Variants in INTS15 observed in about 807,000 individuals in gnomAD.
The protein encoded by INTS15 is integrator complex subunit 15, also known as uncharacterized protein C7orf26.
At chr7:6,599,796 G>T in the INTS15 span, 12 of 1,598,608 alleles carry the variant, frequency 7.5e-6, no homozygotes, top group Non-Finnish European at 1.0e-5. Context: ...TCGAGGCCAA[G>T]AGTGCTCCTG....
the INTS15 span, chr7:6,599,841 C>T: frequency 1.2e-6 from 2 of 1,612,896 alleles, no homozygotes; most frequent in South Asian, 1.1e-5. Flanking sequence ...GACCTCATTC[C>T]ACCTATGGAC....
At chr7:6,599,909 T>G in the INTS15 span, 5 of 1,614,226 alleles carry the variant, frequency 3.1e-6, no homozygotes, top group Admixed American at 8.3e-5. Flanking sequence ...TCTCATCACT[T>G]TTTTAAATAC....
the INTS15 span, among the ~76,000 whole-genome samples, chr7:6,596,050 C>CTTTT: frequency 1.3e-5 from 2 of 148,354 alleles, no homozygotes; most frequent in Non-Finnish European, 1.5e-5. Context: ...TTTGAGCCTT[C>CTTTT]TTTTTTTTTT....
chr7:6,604,905 G>A, the INTS15 span, among the ~76,000 whole-genome samples: 21 of 152,232 alleles, frequency 1.4e-4, no homozygotes, highest in African/African-American at 5.1e-4. Flanking sequence ...TGCGTGAGGT[G>A]TCATGACAGC....
chr7:6,602,234 G>A, the INTS15 span: 3 of 1,009,654 alleles, frequency 3.0e-6, no homozygotes, highest in Non-Finnish European at 4.5e-6. Context: ...GGGTTCTTTG[G>A]GGAGAGCCCA....
the INTS15 span, among the ~76,000 whole-genome samples, chr7:6,592,868 C>T: frequency 2.6e-5 from 4 of 151,916 alleles, no homozygotes; most frequent in East Asian, 7.8e-4. Context: ...CCTCAGCCTC[C>T]CAAAGTGCCG....
At chr7:6,594,568 C>T in the INTS15 span, 1 of 1,614,130 alleles carries the variant, frequency 6.2e-7, no homozygotes, top group Non-Finnish European at 8.5e-7. Context: ...CAGTTCATCA[C>T]CTCCGTTACC....
chr7:6,604,441 G>A, the INTS15 span, among the ~76,000 whole-genome samples: 1 of 152,166 alleles, frequency 6.6e-6, no homozygotes, highest in African/African-American at 2.4e-5. Flanking sequence ...GAACCCCTGT[G>A]CACATGGACA....
the INTS15 span, chr7:6,608,208 G>A: frequency 4.8e-5 from 74 of 1,533,032 alleles, no homozygotes; most frequent in East Asian, 1.8e-3. Context: ...GAAGCCTTTC[G>A]AGATGGAAGG....
chr7:6,591,733 A>G, the INTS15 span: 36 of 1,613,912 alleles, frequency 2.2e-5, no homozygotes, highest in South Asian at 5.5e-5. Context: ...TCGGCAGATT[A>G]TTTTTTCATC....
the INTS15 span, chr7:6,590,082 G>A: frequency 1.2e-5 from 4 of 338,550 alleles, no homozygotes; most frequent in Non-Finnish European, 2.0e-5. Context: ...CGCCGCAGTC[G>A]GACCTTCGGG....
the INTS15 span, among the ~76,000 whole-genome samples, chr7:6,592,645 G>C: frequency 6.9e-6 from 1 of 145,596 alleles, no homozygotes; most frequent in African/African-American, 2.6e-5. Context: ...GTTTCAGTCT[G>C]TCACCCAGGG....
chr7:6,608,227 G>A, the INTS15 span: 2 of 1,527,226 alleles, frequency 1.3e-6, no homozygotes, highest in Non-Finnish European at 1.8e-6. Context: ...GGGGTGGCCG[G>A]ACTCCCAGAA....
chr7:6,607,903 C>T, the INTS15 span: 1 of 1,588,222 alleles, frequency 6.3e-7, no homozygotes, highest in Non-Finnish European at 8.5e-7. The surrounding 1 kb of genome is among the most constrained non-coding windows in gnomAD (Gnocchi z 6.0). Context: ...GCCTACCGTG[C>T]GCACCTGCGG....
At chr7:6,592,730 C>G in the INTS15 span, among the ~76,000 whole-genome samples, 2 of 151,486 alleles carry the variant, frequency 1.3e-5, no homozygotes, top group East Asian at 3.9e-4. Context: ...TACCTCAGCC[C>G]TCCAAGTAGC....
the INTS15 span, chr7:6,594,528 A>G: frequency 6.2e-7 from 1 of 1,614,136 alleles, no homozygotes; most frequent in Non-Finnish European, 8.5e-7. Flanking sequence ...GCTGAAGCAG[A>G]TATTCAGTGC....
At chr7:6,593,596 A>G in the INTS15 span, among the ~76,000 whole-genome samples, 2 of 150,668 alleles carry the variant, frequency 1.3e-5, no homozygotes, top group African/African-American at 4.9e-5. Context: ...GGCCTCCCAA[A>G]ATGCTGGGAT....
chr7:6,602,695 T>G, the INTS15 span: 3 of 471,222 alleles, frequency 6.4e-6, no homozygotes, highest in Non-Finnish European at 1.3e-5. Flanking sequence ...CAGTGGTGTT[T>G]GTGAATTTCT....
the INTS15 span, chr7:6,607,747 G>A: frequency 1.9e-5 from 28 of 1,496,260 alleles, no homozygotes; most frequent in South Asian, 3.4e-4. This position sits in a 1 kb window ranked among gnomAD's most constrained non-coding sequence, Gnocchi z 6.0. Context: ...GTGGGCCACA[G>A]GCCCCGTGCA....
Sources: gnomAD v4.1 joint callset for allele counts (sites outside exome capture counted in the v4.1 genomes callset) on GRCh38, gnomAD v4.1.1 for gene constraint, Gnocchi (gnomAD v3.1) non-coding constraint, MANE v1.5 for transcripts, NCBI Gene and HGNC (gene_info 2026-07-23, HGNC 2026-07-21) for gene names.